The following ANK3 variants were observed in gnomAD, a reference collection of about 807,000 sequenced individuals.
ANK3 encodes ankyrin-3.
In ANK3, 57 loss-of-function variants were observed where a neutral mutation model predicts 370.9. That is an observed-to-expected ratio of 0.15 (90% CI 0.12 to 0.19). The LOEUF is 0.19. Among genes scored for constraint, ANK3 ranks in the 10% least tolerant of loss-of-function variants. ANK3 has a pLI of 1.00. For synonymous variants in ANK3, 1,929 were observed against 1,946.3 expected, an observed-to-expected ratio of 0.99 and a Z score of 0.23; for missense variants, 4,439 against 5,302.1, an observed-to-expected ratio of 0.84 and a Z score of 5.06.
intron 15 of ANK3, 59 bp downstream of exon 15, chr10:60,196,467 CA>C (rs1309644044): frequency 5.1e-6 from 6 of 1,179,896 alleles, no homozygotes; most frequent in Non-Finnish European, 7.5e-6. Context: ...TGAATATTAG[CA>C]AGGGTGTATT....
chr10:60,173,257 G>T, intron 18 of ANK3, 71 bp from the exon 19 acceptor site: 2 of 1,203,736 alleles, frequency 1.7e-6, no homozygotes, highest in Non-Finnish European at 1.2e-6. Context: ...CTAAACAGAA[G>T]CAAAATCATT....
At position 60,069,892 on chromosome 10, in the gene ANK3, C is replaced by T. The variant is rs748166644; in HGVS notation, c.10989G>A (p.Gly3663=). 6 of 1,613,876 alleles carry T rather than the reference C, an allele frequency of 3.7e-6. No homozygotes were observed. In the Admixed American group the frequency reaches 8.3e-5, roughly 22 times the overall value. ...MVTATPQPQS[G]DTTVETNLER... is the part of the protein sequence containing the mutation. Reference sequence around the variant, plus strand: ...CTAGATTGGTTTCTACAGTGGTGTCCCCTGACTGTGGCTGTGGTGTGGCAG... The same window carrying T: ...CTAGATTGGTTTCTACAGTGGTGTCTCCTGACTGTGGCTGTGGTGTGGCAG... The change falls in exon 37 of 44, where the codon GGG becomes GGA. Residue 3663 remains glycine, a synonymous_variant. Coordinates refer to ENST00000280772, the MANE Select transcript of ANK3 (RefSeq NM_020987.5).
At chr10:60,063,611 A>G (rs1435192798) in intron 39 of ANK3, among the ~76,000 whole-genome samples, 1 of 152,230 alleles carries the variant, frequency 6.6e-6, no homozygotes, top group Non-Finnish European at 1.5e-5. Flanking sequence ...ATGACTTTCT[A>G]GGGTCAAGTT....
At chr10:60,270,418 T>C (rs1027250372) in intron 4 of ANK3, among the ~76,000 whole-genome samples, 189 bp from the exon 5 acceptor site, 1 of 152,208 alleles carries the variant, frequency 6.6e-6, no homozygotes, top group Non-Finnish European at 1.5e-5. Flanking sequence ...TCTGTGTAAT[T>C]CAAAATTATA....
At chr10:60,215,627 A>C (rs1376308049) in intron 8 of ANK3, among the ~76,000 whole-genome samples, 1 of 151,912 alleles carries the variant, frequency 6.6e-6, no homozygotes. Context: ...TCCTTTCCCC[A>C]TTGCTTGCTT....
intron 2 of ANK3, among the ~76,000 whole-genome samples, chr10:60,584,486 C>T (rs1304223934): frequency 6.6e-6 from 1 of 151,932 alleles, no homozygotes; most frequent in African/African-American, 2.4e-5. Flanking sequence ...GGTGTGGTGG[C>T]AAGTGCCTGT....
chr10:60,516,805 C>T (rs1370609727), intron 2 of ANK3, among the ~76,000 whole-genome samples: 1 of 152,054 alleles, frequency 6.6e-6, no homozygotes, highest in Non-Finnish European at 1.5e-5. Flanking sequence ...TGCACCAACA[C>T]TCCAAATATG....
intron 2 of ANK3, among the ~76,000 whole-genome samples, chr10:60,400,686 T>C (rs73268819): frequency 0.022 from 3,338 of 152,272 alleles, 128 homozygotes; most frequent in African/African-American, 0.077. Flanking sequence ...TTTCCTGTCA[T>C]ATCTTGAATT....
chr10:60,392,920 C>A (rs2063142894), upstream of ANK3, among the ~76,000 whole-genome samples: 1 of 151,886 alleles, frequency 6.6e-6, no homozygotes, highest in Admixed American at 6.6e-5. Flanking sequence ...CAGAGCAAGG[C>A]TCTGTCCCTT....
At chr10:60,552,686 C>T (rs1369436714) in intron 2 of ANK3, among the ~76,000 whole-genome samples, 3 of 152,162 alleles carry the variant, frequency 2.0e-5, no homozygotes, top group African/African-American at 7.2e-5. Flanking sequence ...TCTACTAAAG[C>T]TTTGCTAAAT....
chr10:60,728,785 C>A (rs1465523035), intron 1 of ANK3, among the ~76,000 whole-genome samples: 1 of 152,146 alleles, frequency 6.6e-6, no homozygotes, highest in Non-Finnish European at 1.5e-5. Flanking sequence ...ACAAAGGTTC[C>A]AATCCAATTT....
chr10:60,394,623 T>C (rs1416173340), upstream of ANK3, among the ~76,000 whole-genome samples: 1 of 152,162 alleles, frequency 6.6e-6, no homozygotes, highest in Non-Finnish European at 1.5e-5. Flanking sequence ...CACACTGGCC[T>C]GCAGAGAGGA....
At chr10:60,458,387 G>A (rs2064803410) in intron 2 of ANK3, among the ~76,000 whole-genome samples, 1 of 152,080 alleles carries the variant, frequency 6.6e-6, no homozygotes, top group African/African-American at 2.4e-5. Flanking sequence ...CCTAATATGT[G>A]TCTGGTACAC....
At chr10:60,400,373 C>T (rs1299146670) in intron 2 of ANK3, among the ~76,000 whole-genome samples, 2 of 152,152 alleles carry the variant, frequency 1.3e-5, no homozygotes, top group Non-Finnish European at 2.9e-5. Flanking sequence ...AAATCTTTTA[C>T]AAGTCTTTCT....
At chr10:60,580,249 G>A (rs1391621468) in intron 2 of ANK3, among the ~76,000 whole-genome samples, 2 of 152,082 alleles carry the variant, frequency 1.3e-5, no homozygotes, top group African/African-American at 4.8e-5. Context: ...TTAAGTCTAA[G>A]AAACAGAGGA....
chr10:60,315,252 C>T (rs7091175), intron 1 of ANK3, among the ~76,000 whole-genome samples: 25 of 152,176 alleles, frequency 1.6e-4, no homozygotes, highest in Middle Eastern at 3.4e-3. Flanking sequence ...GAATGGATTC[C>T]CAACTTGACA....
chr10:60,337,967 C>G (rs2053408237), intron 1 of ANK3, among the ~76,000 whole-genome samples: 1 of 152,128 alleles, frequency 6.6e-6, no homozygotes, highest in Admixed American at 6.5e-5. Flanking sequence ...CATTTGGCTC[C>G]ACTTTTTAAC....
At chr10:60,314,619 T>C (rs2047028880) in intron 1 of ANK3, among the ~76,000 whole-genome samples, 1 of 152,132 alleles carries the variant, frequency 6.6e-6, no homozygotes, top group African/African-American at 2.4e-5. Context: ...TGTAAAAGCA[T>C]AACTGGGACT....
chr10:60,637,636 T>C (rs936799118), intron 1 of ANK3, among the ~76,000 whole-genome samples: 2 of 152,202 alleles, frequency 1.3e-5, no homozygotes, highest in Non-Finnish European at 2.9e-5. Context: ...GAATCAAGTA[T>C]AATATTCTAA....
Sources: allele counts gnomAD v4.1 joint callset (sites outside exome capture counted in the v4.1 genomes callset), GRCh38; gene constraint gnomAD v4.1.1; transcripts MANE v1.5; gene names NCBI Gene and HGNC (gene_info 2026-07-23, HGNC 2026-07-21).